Variants in TRPC4 observed in about 807,000 individuals in gnomAD.
TRPC4 encodes the protein short transient receptor potential channel 4.
Under a neutral mutation model 99.4 loss-of-function variants are expected in TRPC4, and 49 were observed. The observed-to-expected ratio is 0.49, with a 90% confidence interval of 0.39 to 0.63. The LOEUF is 0.63. Ranked by LOEUF, TRPC4 falls within the 20% of genes least tolerant of loss-of-function variation. The probability of loss-of-function intolerance (pLI) is 0.00; values close to 1 mark genes in which losing one functional copy is unlikely to be tolerated. For missense variants in TRPC4, 898 were observed against 1,152.9 expected (o/e 0.78, Z 3.20); for synonymous variants, 454 against 425.9 (o/e 1.07, Z -0.81).
chr13:37,786,504 G>A (rs1956975249), intron 1 of TRPC4, among the ~76,000 whole-genome samples: 1 of 152,134 alleles, frequency 6.6e-6, no homozygotes, highest in East Asian at 1.9e-4. Context: ...TTAAAACTGT[G>A]CTACATAAAT....
intron 8 of TRPC4, among the ~76,000 whole-genome samples, chr13:37,644,621 A>G (rs28373781): frequency 0.21 from 32,124 of 151,966 alleles, 3,707 homozygotes; most frequent in Non-Finnish European, 0.25. Context: ...CTGTAATTCC[A>G]GCACTCTGGG....
At chr13:37,817,621 A>G (rs750007815) in intron 1 of TRPC4, among the ~76,000 whole-genome samples, 1 of 152,064 alleles carries the variant, frequency 6.6e-6, no homozygotes, top group African/African-American at 2.4e-5. Flanking sequence ...GCATCATGCT[A>G]CCTAACTTCA....
intron 4 of TRPC4, among the ~76,000 whole-genome samples, chr13:37,690,261 T>C (rs1245229386): frequency 2.0e-5 from 3 of 152,212 alleles, no homozygotes; most frequent in African/African-American, 7.2e-5. Flanking sequence ...AATTATTTTA[T>C]TCCAAAGGAC....
chr13:37,678,029 G>A (rs1009644241), intron 4 of TRPC4, among the ~76,000 whole-genome samples: 36 of 151,914 alleles, frequency 2.4e-4, no homozygotes, highest in African/African-American at 4.1e-4. Flanking sequence ...ATTATCTTTC[G>A]GCTCAAATAG....
At chr13:37,713,399 TA>T (rs1954550358) in intron 3 of TRPC4, among the ~76,000 whole-genome samples, 1 of 152,206 alleles carries the variant, frequency 6.6e-6, no homozygotes, top group South Asian at 2.1e-4. Flanking sequence ...TTGCCTGAAA[TA>T]AAAGCTAAAC....
chr13:37,674,520 T>G, intron 4 of TRPC4, 153 bp from the exon 5 acceptor site: 1 of 744,762 alleles, frequency 1.3e-6, no homozygotes, highest in Non-Finnish European at 2.1e-6. Context: ...TAACACTGAG[T>G]CCCAGCCATA....
chr13:37,640,240 A>T (rs1323385013), intron 8 of TRPC4, among the ~76,000 whole-genome samples: 1 of 152,120 alleles, frequency 6.6e-6, no homozygotes, highest in Non-Finnish European at 1.5e-5. Flanking sequence ...GGGATGATAT[A>T]CCTTGGTTTT....
intron 1 of TRPC4, among the ~76,000 whole-genome samples, chr13:37,799,349 T>G (rs1324220310): frequency 5.3e-5 from 8 of 152,176 alleles, no homozygotes; most frequent in African/African-American, 1.9e-4. Context: ...GATCTGATTT[T>G]TCTACTAGAT....
In TRPC4 at chr13:37,637,125, T is replaced by A. The variant is rs753008221; in HGVS notation, c.2712A>T (p.Glu904Asp). The A allele has an allele frequency of 6.2e-7, 1 of 1,613,734 alleles. No homozygotes were observed. The highest frequency in any genetic ancestry group is 2.2e-5 in the East Asian group (1 of 44,896). ...CTCTATGGTCTACTAACACACATTG[T>A]TCACTGAGACCGGGAATGCTCAGGT... ...RGDLSIPGLSEQCVLVDHRER... is the reference protein window; with the variant it reads ...RGDLSIPGLSDQCVLVDHRER... The change falls in exon 11 of 11, where the codon GAA becomes GAT. Residue 904 changes from glutamate (E) to aspartate (D), a missense_variant. Glu to Asp is a conservative substitution (Grantham distance 45). Transcript: ENST00000379705.
intron 1 of TRPC4, among the ~76,000 whole-genome samples, chr13:37,840,664 A>C (rs1458426730): frequency 1.6e-4 from 24 of 151,966 alleles, no homozygotes; most frequent in Non-Finnish European, 2.9e-5. Context: ...AAGATTAATA[A>C]ATTCCTGTTT....
intron 3 of TRPC4, among the ~76,000 whole-genome samples, chr13:37,710,000 T>C (rs1185524404): frequency 6.6e-6 from 1 of 151,906 alleles, no homozygotes; most frequent in Non-Finnish European, 1.5e-5. Context: ...ATAGGACAGA[T>C]GACAAAAGAA....
intron 5 of TRPC4, among the ~76,000 whole-genome samples, chr13:37,665,372 C>T (rs915820969): frequency 6.6e-6 from 1 of 152,120 alleles, no homozygotes; most frequent in Admixed American, 6.5e-5. Flanking sequence ...TTCATTTAAC[C>T]TAATATAGCT....
At chr13:37,656,368 G>T (rs1056856967) in intron 6 of TRPC4, among the ~76,000 whole-genome samples, 11 of 152,164 alleles carry the variant, frequency 7.2e-5, no homozygotes, top group African/African-American at 2.7e-4. Flanking sequence ...TAGGATTTCT[G>T]TCTATTGGGA....
At chr13:37,704,497 G>A (rs1239357681) in intron 3 of TRPC4, among the ~76,000 whole-genome samples, 1 of 152,064 alleles carries the variant, frequency 6.6e-6, no homozygotes, top group Non-Finnish European at 1.5e-5. Context: ...GACCAGCCTG[G>A]CCAATATGGT....
chr13:37,721,742 A>G (rs1954876657), intron 3 of TRPC4, among the ~76,000 whole-genome samples: 1 of 152,182 alleles, frequency 6.6e-6, no homozygotes, highest in Admixed American at 6.6e-5. Context: ...TTTATATTTC[A>G]ATCTCCTACT....
chr13:37,663,779 A>C (rs777431076), intron 5 of TRPC4, 50 bp from the exon 6 acceptor site: 6 of 1,464,062 alleles, frequency 4.1e-6, no homozygotes, highest in Non-Finnish European at 4.6e-6. Flanking sequence ...ACACGCATAT[A>C]AATAGATCAA....
At chr13:37,833,250 T>C (rs894088390) in intron 1 of TRPC4, among the ~76,000 whole-genome samples, 3 of 152,192 alleles carry the variant, frequency 2.0e-5, no homozygotes, top group African/African-American at 4.8e-5. Context: ...TGCATTATAT[T>C]TCTAAAGCTT....
At chr13:37,821,186 A>G (rs1057073069) in intron 1 of TRPC4, among the ~76,000 whole-genome samples, 1 of 127,956 alleles carries the variant, frequency 7.8e-6, no homozygotes, top group African/African-American at 3.1e-5. Context: ...CACATTCACA[A>G]TAGCCACACA....
At chr13:37,745,786 A>G in intron 3 of TRPC4, 151 bp downstream of exon 3, 1 of 923,838 alleles carries the variant, frequency 1.1e-6, no homozygotes, top group Non-Finnish European at 1.6e-6. Flanking sequence ...AATGTGATTC[A>G]TAATTATTAA....
Sources: allele counts gnomAD v4.1 joint callset (sites outside exome capture counted in the v4.1 genomes callset), GRCh38; gene constraint gnomAD v4.1.1; transcripts MANE v1.5; gene names NCBI Gene and HGNC (gene_info 2026-07-23, HGNC 2026-07-21).